Variants in SCGB1D1 observed in about 807,000 individuals in gnomAD.
The protein encoded by SCGB1D1 is secretoglobin family 1D member 1.
Under a neutral mutation model 8.3 loss-of-function variants are expected in SCGB1D1, and 10 were observed. The ratio of observed to expected loss-of-function variants is 1.21; its 90% CI spans 0.74 to 2.05. The LOEUF is 2.05. Ranked by LOEUF, SCGB1D1 falls within the 30% of genes most tolerant of loss-of-function variation. The probability of loss-of-function intolerance (pLI) is 0.00; values close to 1 mark genes in which losing one functional copy is unlikely to be tolerated. For synonymous variants in SCGB1D1, 46 were observed against 41.7 expected (o/e 1.10, Z -0.39); for missense variants, 94 against 105.1 (o/e 0.89, Z 0.46).
intron 1 of SCGB1D1, 37 bp downstream of exon 1, chr11:62,190,376 G>A: frequency 6.2e-7 from 1 of 1,613,564 alleles, no homozygotes; most frequent in Non-Finnish European, 8.5e-7. Flanking sequence ...ACCAGCCCTT[G>A]GGACACACCC....
At chr11:62,190,692 C>T (rs768710914) in intron 1 of SCGB1D1, among the ~76,000 whole-genome samples, 6 of 152,152 alleles carry the variant, frequency 3.9e-5, no homozygotes, top group Non-Finnish European at 5.9e-5. Flanking sequence ...CCCGCGCCTC[C>T]TCCTATCTCT....
intron 1 of SCGB1D1, among the ~76,000 whole-genome samples, chr11:62,191,369 G>A (rs989596963): frequency 7.9e-5 from 12 of 152,186 alleles, no homozygotes; most frequent in African/African-American, 2.9e-4. Flanking sequence ...GTGGGAGCAG[G>A]AATGAGCCTC....
intron 2 of SCGB1D1, among the ~76,000 whole-genome samples, chr11:62,192,769 G>C (rs116463736): frequency 6.6e-6 from 1 of 152,026 alleles, no homozygotes; most frequent in African/African-American, 2.4e-5. Context: ...CAGACTCCAC[G>C]CTCCCCTCCT....
At chr11:62,191,030 C>T (rs1484134759) in intron 1 of SCGB1D1, among the ~76,000 whole-genome samples, 1 of 152,158 alleles carries the variant, frequency 6.6e-6, no homozygotes. Context: ...AGAAATACTA[C>T]AATGGTTAGC....
intron 2 of SCGB1D1, 101 bp downstream of exon 2, chr11:62,192,344 G>A: frequency 2.8e-6 from 3 of 1,065,088 alleles, no homozygotes; most frequent in Non-Finnish European, 4.1e-6. Flanking sequence ...AGGTGGTGGG[G>A]CACCTGCCTT....
intron 2 of SCGB1D1, among the ~76,000 whole-genome samples, chr11:62,192,490 C>T (rs1371300341): frequency 6.6e-6 from 1 of 152,218 alleles, no homozygotes; most frequent in South Asian, 2.1e-4. Flanking sequence ...GCCGTGTCCC[C>T]AGAGTGTGCT....
chr11:62,190,551 G>A (rs540473519), intron 1 of SCGB1D1, among the ~76,000 whole-genome samples: 5 of 152,270 alleles, frequency 3.3e-5, no homozygotes, highest in East Asian at 3.9e-4. Context: ...CAATGCAGGC[G>A]AACGTTAGGA....
chr11:62,190,802 A>T (rs149110159), intron 1 of SCGB1D1, among the ~76,000 whole-genome samples: 1 of 152,298 alleles, frequency 6.6e-6, no homozygotes, highest in East Asian at 1.9e-4. Flanking sequence ...GTACTGTCAG[A>T]CATTCTCGTC....
At chr11:62,192,551 G>A (rs1413173495) in intron 2 of SCGB1D1, among the ~76,000 whole-genome samples, 6 of 152,236 alleles carry the variant, frequency 3.9e-5, no homozygotes, top group African/African-American at 1.4e-4. Context: ...GAAGGGCCAA[G>A]CACAACTGTC....
intron 1 of SCGB1D1, among the ~76,000 whole-genome samples, chr11:62,191,124 C>T (rs1035476659): frequency 5.9e-5 from 9 of 152,222 alleles, no homozygotes; most frequent in Non-Finnish European, 7.4e-5. Flanking sequence ...CTGTCAGGAC[C>T]GATCCAGACT....
chr11:62,192,351 C>A, intron 2 of SCGB1D1, 108 bp downstream of exon 2: 1 of 935,104 alleles, frequency 1.1e-6, no homozygotes, highest in Non-Finnish European at 1.6e-6. Flanking sequence ...GGGGCACCTG[C>A]CTTACTGGTC....
At chr11:62,191,774 C>T (rs749056441) in intron 1 of SCGB1D1, among the ~76,000 whole-genome samples, 9 of 152,098 alleles carry the variant, frequency 5.9e-5, no homozygotes, top group Admixed American at 5.2e-4. Context: ...GAAAAGAGAA[C>T]GTTGGCCATC....
chr11:62,192,928 G>A (rs963955629), intron 2 of SCGB1D1, among the ~76,000 whole-genome samples: 1 of 152,226 alleles, frequency 6.6e-6, no homozygotes, highest in Non-Finnish European at 1.5e-5. Context: ...CTGCCTCTGG[G>A]TTGCTGTCCT....
intron 1 of SCGB1D1, 58 bp from the exon 2 acceptor site, chr11:62,191,998 G>A (rs1051396853): frequency 1.4e-6 from 2 of 1,454,978 alleles, no homozygotes; most frequent in African/African-American, 1.4e-5. Context: ...ACATCAGGGA[G>A]GCATGGGAGA....
At chr11:62,190,810 G>A (rs1192351555) in intron 1 of SCGB1D1, among the ~76,000 whole-genome samples, 1 of 152,110 alleles carries the variant, frequency 6.6e-6, no homozygotes, top group Non-Finnish European at 1.5e-5. Flanking sequence ...AGACATTCTC[G>A]TCCCCAGACC....
chr11:62,192,106 T>C lies in SCGB1D1; in HGVS notation c.106T>C (p.Leu36=), dbSNP rs747014378. 5.6e-6 allele frequency: 9 copies of C among 1,613,188 alleles called. No homozygotes were observed. The highest frequency in any genetic ancestry group is 5.9e-6 in the Non-Finnish European group (7 of 1,179,254). ...ALGSEITGFL[L]AGKPVFKFQL... ...TGGTTCTGAAATCACAGGCTTCTTA[T>C]TAGCTGGAAAACCTGTGTTCAAGTT... Residue 36 remains leucine, a synonymous_variant, in exon 2 of 3, where the codon TTA becomes CTA. Transcript: ENST00000306238.
At chr11:62,191,725 C>A in intron 1 of SCGB1D1, among the ~76,000 whole-genome samples, 1 of 152,122 alleles carries the variant, frequency 6.6e-6, no homozygotes, top group Non-Finnish European at 1.5e-5. Context: ...AATAAAGTGT[C>A]ACTTAACTGG....
At chr11:62,192,276 C>A in intron 2 of SCGB1D1, 33 bp downstream of exon 2, 1 of 1,573,826 alleles carries the variant, frequency 6.4e-7, no homozygotes, top group Non-Finnish European at 8.7e-7. Context: ...GTCCAGGCTT[C>A]TGGTCAGCGG....
intron 2 of SCGB1D1, 36 bp from the exon 3 acceptor site, chr11:62,193,363 C>A (rs773697623): frequency 9.3e-6 from 15 of 1,605,698 alleles, no homozygotes; most frequent in Non-Finnish European, 1.3e-5. Flanking sequence ...GCTGCATGAC[C>A]GACCTCACCT....
Sources: allele counts gnomAD v4.1 joint callset (sites outside exome capture counted in the v4.1 genomes callset), GRCh38; gene constraint gnomAD v4.1.1; transcripts MANE v1.5; gene names NCBI Gene and HGNC (gene_info 2026-07-23, HGNC 2026-07-21).